The following HS6ST2 variants were observed in gnomAD, a reference collection of about 807,000 sequenced individuals.
HS6ST2 encodes heparan-sulfate 6-O-sulfotransferase 2.
A neutral mutation model predicts 33.0 loss-of-function variants in HS6ST2; 17 were observed. The observed-to-expected ratio is 0.52, with a 90% CI of 0.35 to 0.77. The LOEUF is 0.77. HS6ST2 is among the 30% of genes least tolerant of loss of function. The pLI is 0.01. For synonymous variants in HS6ST2, 248 were observed against 237.1 expected, an observed-to-expected ratio of 1.05 and a Z score of -0.42; for missense variants, 519 against 551.7, an observed-to-expected ratio of 0.94 and a Z score of 0.59.
intron 2 of HS6ST2, among the ~76,000 whole-genome samples, chrX:132,828,898 T>C (rs988561523): frequency 9.7e-6 from 1 of 103,597 alleles, no homozygotes; most frequent in Non-Finnish European, 1.9e-5. Flanking sequence ...GCTATATATA[T>C]GCTGTACATA....
At chrX:132,845,371 T>C (rs1234335939) in intron 2 of HS6ST2, among the ~76,000 whole-genome samples, 1 of 111,041 alleles carries the variant, frequency 9.0e-6, no homozygotes, top group Non-Finnish European at 1.9e-5. Context: ...CTATGTATGA[T>C]GAGAGACACA....
chrX:132,798,756 C>CAG (rs964016228), intron 2 of HS6ST2, among the ~76,000 whole-genome samples: 2 of 111,817 alleles, frequency 1.8e-5, no homozygotes, highest in Non-Finnish European at 3.8e-5. Flanking sequence ...GAAAAGACTC[C>CAG]AGATCTGATG....
chrX:132,719,280 A>AC (rs1225558285), intron 2 of HS6ST2, among the ~76,000 whole-genome samples: 1 of 112,326 alleles, frequency 8.9e-6, no homozygotes, highest in Admixed American at 9.4e-5. Flanking sequence ...CCAAGGTCAC[A>AC]CAGTCATAAC....
chrX:132,880,655 T>C (rs1242164539), intron 2 of HS6ST2, among the ~76,000 whole-genome samples: 2 of 109,631 alleles, frequency 1.8e-5, no homozygotes, highest in African/African-American at 6.6e-5. Flanking sequence ...TACTTTAAGT[T>C]CCAGGGTACA....
intron 4 of HS6ST2, among the ~76,000 whole-genome samples, chrX:132,667,200 A>G (rs1035557394): frequency 8.9e-6 from 1 of 112,079 alleles, no homozygotes; most frequent in Non-Finnish European, 1.9e-5. Flanking sequence ...GGAGAGGACT[A>G]AGAGGAGGAG....
chrX:132,893,381 T>C (rs1293913181), intron 2 of HS6ST2, among the ~76,000 whole-genome samples: 1 of 112,302 alleles, frequency 8.9e-6, no homozygotes, highest in Non-Finnish European at 1.9e-5. Flanking sequence ...TACCAGGGCT[T>C]AGTAAACTAA....
intron 4 of HS6ST2, among the ~76,000 whole-genome samples, chrX:132,631,388 CTTG>C (rs778517119): frequency 7.5e-4 from 84 of 111,568 alleles, no homozygotes; most frequent in Non-Finnish European, 1.3e-3. Context: ...AGGACCTGAT[CTTG>C]TTGGTGCCAC....
chrX:132,761,727 CT>C (rs1273048808), intron 2 of HS6ST2, among the ~76,000 whole-genome samples: 1 of 111,950 alleles, frequency 8.9e-6, no homozygotes, highest in African/African-American at 3.2e-5. Flanking sequence ...CAGTCACAGC[CT>C]TTGGAGACAG....
chrX:132,819,864 A>T (rs1004767403), intron 2 of HS6ST2, among the ~76,000 whole-genome samples: 3 of 112,076 alleles, frequency 2.7e-5, no homozygotes, highest in Admixed American at 9.4e-5. Flanking sequence ...AACAAAACAC[A>T]CCGATAGAGC....
At chrX:132,678,853 C>A (rs2063944797) in intron 3 of HS6ST2, among the ~76,000 whole-genome samples, 1 of 112,336 alleles carries the variant, frequency 8.9e-6, no homozygotes, top group South Asian at 3.7e-4. Context: ...AAACGCTAAA[C>A]CTTGTATAAC....
chrX:132,766,025 C>T (rs928393756), intron 2 of HS6ST2, among the ~76,000 whole-genome samples: 4 of 111,840 alleles, frequency 3.6e-5, no homozygotes, highest in African/African-American at 9.8e-5. Context: ...CTTAGACTCA[C>T]GTGGCAAAGC....
intron 2 of HS6ST2, among the ~76,000 whole-genome samples, chrX:132,948,165 A>C: frequency 8.9e-6 from 1 of 112,018 alleles, no homozygotes; most frequent in Non-Finnish European, 1.9e-5. Context: ...TAAAATTTAA[A>C]AAGCAATCAA....
At chrX:132,875,265 G>A (rs1377078245) in intron 2 of HS6ST2, among the ~76,000 whole-genome samples, 1 of 111,486 alleles carries the variant, frequency 9.0e-6, no homozygotes, top group Non-Finnish European at 1.9e-5. Context: ...TAAAGAGTGA[G>A]CGAAAAGGGC....
intron 2 of HS6ST2, among the ~76,000 whole-genome samples, chrX:132,736,565 G>A (rs760581220): frequency 1.3e-4 from 14 of 111,666 alleles, no homozygotes; most frequent in Middle Eastern, 4.7e-3. Flanking sequence ...ATGTAGTAGC[G>A]CAGAGTGACT....
intron 3 of HS6ST2, among the ~76,000 whole-genome samples, chrX:132,680,843 A>T (rs1376264594): frequency 9.1e-6 from 1 of 110,116 alleles, no homozygotes; most frequent in Non-Finnish European, 1.9e-5. Flanking sequence ...CTAAAAATAT[A>T]AAAAAATTAG....
At chrX:132,828,222 A>G (rs888492280) in intron 2 of HS6ST2, among the ~76,000 whole-genome samples, 2 of 110,594 alleles carry the variant, frequency 1.8e-5, no homozygotes, top group African/African-American at 3.3e-5. Flanking sequence ...CATGGCTCCT[A>G]CTTTATTTCT....
In HS6ST2 at chrX:132,628,956, G is replaced by T. The variant is rs1569474970; in HGVS notation, c.1205C>A (p.Pro402His). Reference sequence around the variant, plus strand: ...CCAGTCATCGCCAGTGTAGCAGCTGGGCAGCTCTTCGGAGGTTGGAGGCCT... The same window carrying T: ...CCAGTCATCGCCAGTGTAGCAGCTGTGCAGCTCTTCGGAGGTTGGAGGCCT... The part of the protein sequence containing the change: ...DGRPPTSEEL[P>H]SCYTGDDWSG... The change falls in exon 5 of 5, where the codon CCC becomes CAC. Residue 402 changes from proline to histidine, a missense_variant. Pro to His is a moderately conservative substitution (Grantham distance 77). Transcript: ENST00000370833. 8.3e-7 allele frequency: 1 copy of T among 1,210,902 alleles called. No individual in the cohort carries two copies. The highest frequency in any genetic ancestry group is 1.1e-6 in the Non-Finnish European group (1 of 895,119).
At chrX:132,651,505 G>A (rs1288454788) in intron 4 of HS6ST2, among the ~76,000 whole-genome samples, 1 of 112,280 alleles carries the variant, frequency 8.9e-6, no homozygotes, top group African/African-American at 3.2e-5. Context: ...TCTTAGGCAT[G>A]AGTAAGAAAG....
intron 2 of HS6ST2, among the ~76,000 whole-genome samples, chrX:132,852,358 A>T (rs2148408872): frequency 9.0e-6 from 1 of 111,704 alleles, no homozygotes; most frequent in African/African-American, 3.2e-5. Flanking sequence ...TAATATAATC[A>T]TAGTAAATTC....
Sources: allele counts gnomAD v4.1 joint callset (sites outside exome capture counted in the v4.1 genomes callset), GRCh38; gene constraint gnomAD v4.1.1; transcripts MANE v1.5; gene names NCBI Gene and HGNC (gene_info 2026-07-23, HGNC 2026-07-21).